Variants in LRMDA observed in about 807,000 individuals in gnomAD.
The protein encoded by LRMDA is leucine-rich melanocyte differentiation-associated protein.
Under a neutral mutation model 29.8 loss-of-function variants are expected in LRMDA, and 18 were observed. The ratio of observed to expected loss-of-function variants is 0.60; its 90% confidence interval spans 0.42 to 0.90. The LOEUF (loss-of-function observed/expected upper bound fraction) is 0.90, where lower values mean the gene tolerates loss of function less well. Ranked by LOEUF, LRMDA falls within the 40% of genes least tolerant of loss-of-function variation. The pLI is 0.00. For missense variants in LRMDA, 273 were observed against 273.9 expected, an observed-to-expected ratio of 1.00 and a Z score of 0.02; for synonymous variants, 125 against 109.4, an observed-to-expected ratio of 1.14 and a Z score of -0.89.
Position 75,468,250 on chromosome 10 carries a change from C to T in LRMDA, c.131+29756C>T, listed in dbSNP as rs76598967. 2.5e-3 allele frequency among the ~76,000 whole-genome samples: 384 copies of T among 152,186 alleles called. 4 individuals are homozygous for T. The highest frequency in any genetic ancestry group is 8.6e-3 in the African/African-American group (358 of 41,500). On this transcript the variant is annotated intron_variant, in intron 2 of 6. Transcript: ENST00000611255. ...CCCATACATAAGTTCCTTTGCTTCC[C>T]GTGGTCTTTAGTTAACTGAATCCTT...
chr10:75,945,441 C>T (rs1846460717), intron 2 of LRMDA, among the ~76,000 whole-genome samples: 2 of 152,176 alleles, frequency 1.3e-5, no homozygotes, highest in Non-Finnish European at 2.9e-5. Flanking sequence ...CAAAATTCAT[C>T]CTTAACCACC....
intron 2 of LRMDA, among the ~76,000 whole-genome samples, chr10:75,808,831 T>C (rs577045461): frequency 2.2e-4 from 33 of 152,276 alleles, no homozygotes; most frequent in African/African-American, 7.7e-4. Flanking sequence ...TTTTAAAGGC[T>C]TCATGAGGAA....
At chr10:76,495,635 CTCT>C (rs907029526) in intron 6 of LRMDA, among the ~76,000 whole-genome samples, 16 of 151,658 alleles carry the variant, frequency 1.1e-4, no homozygotes, top group Middle Eastern at 3.4e-3. Flanking sequence ...CATGGTATAC[CTCT>C]TCTTGTATTT....
At chr10:76,368,221 T>C (rs1841414541) in intron 6 of LRMDA, among the ~76,000 whole-genome samples, 1 of 152,228 alleles carries the variant, frequency 6.6e-6, no homozygotes, top group Admixed American at 6.5e-5. Context: ...TCAGACTTTT[T>C]GATGTAGGCG....
chr10:76,539,188 G>C (rs1303592987), intron 6 of LRMDA, among the ~76,000 whole-genome samples: 1 of 152,084 alleles, frequency 6.6e-6, no homozygotes, highest in East Asian at 1.9e-4. Flanking sequence ...GTCTCTGATA[G>C]AAACCCCAAG....
At chr10:75,529,232 C>A (rs1845448347) in intron 2 of LRMDA, among the ~76,000 whole-genome samples, 1 of 152,156 alleles carries the variant, frequency 6.6e-6, no homozygotes, top group Admixed American at 6.6e-5. Context: ...AAAAACATGG[C>A]AAACATACAG....
intron 2 of LRMDA, among the ~76,000 whole-genome samples, chr10:75,777,002 G>C (rs1446768539): frequency 6.6e-6 from 1 of 152,244 alleles, no homozygotes; most frequent in Non-Finnish European, 1.5e-5. Context: ...TTGCCCATGA[G>C]GGCTGCAGAG....
chr10:76,432,514 G>T (rs1478502979), intron 6 of LRMDA, among the ~76,000 whole-genome samples: 5 of 152,210 alleles, frequency 3.3e-5, no homozygotes, highest in Non-Finnish European at 7.3e-5. Flanking sequence ...TGTCAGAGGT[G>T]CAGGGGGAAC....
chr10:76,211,126 T>C (rs1253798002), intron 5 of LRMDA, among the ~76,000 whole-genome samples: 1 of 152,192 alleles, frequency 6.6e-6, no homozygotes, highest in Non-Finnish European at 1.5e-5. Flanking sequence ...GTGATTTTAC[T>C]TTTCACCTTC....
intron 2 of LRMDA, among the ~76,000 whole-genome samples, chr10:75,563,350 G>A (rs1031867377): frequency 7.9e-5 from 12 of 151,986 alleles, no homozygotes; most frequent in African/African-American, 2.7e-4. Context: ...CATTCTTCAC[G>A]TAGTTCTCAA....
chr10:76,435,071 TA>T (rs1474819842), intron 6 of LRMDA, among the ~76,000 whole-genome samples: 2 of 152,164 alleles, frequency 1.3e-5, no homozygotes, highest in Non-Finnish European at 2.9e-5. Flanking sequence ...CATTCTCTGG[TA>T]ATCTACTTAG....
At chr10:75,519,927 T>G (rs1845336719) in intron 2 of LRMDA, among the ~76,000 whole-genome samples, 1 of 152,370 alleles carries the variant, frequency 6.6e-6, no homozygotes, top group Non-Finnish European at 1.5e-5. Context: ...TTATTTCTCC[T>G]TCACTTATGA....
At chr10:75,802,614 G>T (rs192000315) in intron 2 of LRMDA, among the ~76,000 whole-genome samples, 3 of 148,648 alleles carry the variant, frequency 2.0e-5, no homozygotes, top group South Asian at 2.1e-4. Flanking sequence ...GGGTAGTGTT[G>T]TTTTTTTTTT....
intron 6 of LRMDA, among the ~76,000 whole-genome samples, chr10:76,412,218 C>T (rs907887776): frequency 7.2e-5 from 11 of 152,206 alleles, no homozygotes; most frequent in African/African-American, 2.7e-4. Context: ...TTGTAGCTGC[C>T]TAGCTTGTGG....
intron 2 of LRMDA, among the ~76,000 whole-genome samples, chr10:75,885,628 G>A (rs1300504298): frequency 6.6e-6 from 1 of 152,158 alleles, no homozygotes; most frequent in Non-Finnish European, 1.5e-5. Context: ...AGTTCTCTAG[G>A]CTGCAAGCTC....
intron 6 of LRMDA, among the ~76,000 whole-genome samples, chr10:76,553,692 CA>C (rs1481157385): frequency 6.6e-6 from 1 of 152,072 alleles, no homozygotes; most frequent in Non-Finnish European, 1.5e-5. Flanking sequence ...TTTTTGAACA[CA>C]AAAGTCACAT....
At chr10:76,213,352 G>A (rs566973447) in intron 5 of LRMDA, among the ~76,000 whole-genome samples, 1 of 152,292 alleles carries the variant, frequency 6.6e-6, no homozygotes, top group South Asian at 2.1e-4. Context: ...GACCCTGGTT[G>A]TATCCATTTA....
At chr10:76,083,794 A>G (rs996184304) in intron 5 of LRMDA, among the ~76,000 whole-genome samples, 4 of 144,652 alleles carry the variant, frequency 2.8e-5, no homozygotes, top group Middle Eastern at 7.4e-3. Flanking sequence ...AGATCGCGCC[A>G]TTGCACTCCA....
Position 75,480,749 on chromosome 10 carries a change from G to A in LRMDA, c.131+42255G>A, listed in dbSNP as rs1022335144. ...GTGGTTGTTGTGGAGAGAATGGGCTGCGGGTGCAGGTTAGCAGATGAGTTA... is the reference window on the plus strand; with the variant it reads ...GTGGTTGTTGTGGAGAGAATGGGCTACGGGTGCAGGTTAGCAGATGAGTTA... On this transcript the variant is annotated intron_variant, in intron 2 of 6. Coordinates refer to ENST00000611255, the MANE Select transcript of LRMDA (RefSeq NM_001305581.2). Among the ~76,000 whole-genome samples the A allele has an allele frequency of 4.5e-4, 69 of 152,240 alleles. 1 individual carries two copies. The highest frequency in any genetic ancestry group is 1.4e-3 in the African/African-American group (57 of 41,462).
Sources: gnomAD v4.1 joint callset for allele counts (sites outside exome capture counted in the v4.1 genomes callset) on GRCh38, gnomAD v4.1.1 for gene constraint, MANE v1.5 for transcripts, NCBI Gene and HGNC (gene_info 2026-07-23, HGNC 2026-07-21) for gene names.